CNTN3: variants seen among roughly 807,000 people sequenced by gnomAD.
CNTN3 encodes the protein contactin-3.
CNTN3 carries 60 observed loss-of-function variants against 119.1 expected under a neutral mutation model. The ratio of observed to expected loss-of-function variants is 0.50; its 90% CI spans 0.41 to 0.62. The LOEUF is 0.62. Ranked by LOEUF, CNTN3 falls within the 20% of genes least tolerant of loss-of-function variation. The pLI is 0.00. For missense variants in CNTN3, 1,101 were observed against 1,242.4 expected, an observed-to-expected ratio of 0.89 and a Z score of 1.71; for synonymous variants, 450 against 438.7, an observed-to-expected ratio of 1.03 and a Z score of -0.32.
At chr3:74,605,150 G>A (rs1704970163) in intron 1 of CNTN3, among the ~76,000 whole-genome samples, 1 of 152,078 alleles carries the variant, frequency 6.6e-6, no homozygotes, top group Admixed American at 6.6e-5. Context: ...GAGGAGGGAG[G>A]TTTAGGGAGA....
chr3:74,563,155 G>A (rs187571287), intron 1 of CNTN3, among the ~76,000 whole-genome samples: 37 of 152,116 alleles, frequency 2.4e-4, no homozygotes, highest in African/African-American at 7.5e-4. Flanking sequence ...TATACATTCC[G>A]CCACTCAACC....
chr3:74,384,271 C>T (rs537013696), intron 5 of CNTN3, among the ~76,000 whole-genome samples: 2 of 152,356 alleles, frequency 1.3e-5, no homozygotes, highest in South Asian at 2.1e-4. Context: ...GGGCAACCAC[C>T]TGCTCCCTCT....
intron 13 of CNTN3, among the ~76,000 whole-genome samples, chr3:74,311,046 G>A (rs1282886284): frequency 6.6e-6 from 1 of 152,302 alleles, no homozygotes; most frequent in Admixed American, 6.5e-5. Flanking sequence ...TGAGCTGACT[G>A]TGCCAAGAAT....
intron 5 of CNTN3, among the ~76,000 whole-genome samples, chr3:74,389,208 A>G (rs1309966061): frequency 1.3e-5 from 2 of 152,254 alleles, no homozygotes; most frequent in Admixed American, 6.5e-5. Context: ...AGACAATTAA[A>G]TCAAATCACC....
At chr3:74,366,319 A>G (rs1168686699) in intron 8 of CNTN3, among the ~76,000 whole-genome samples, 1 of 152,150 alleles carries the variant, frequency 6.6e-6, no homozygotes, top group African/African-American at 2.4e-5. Context: ...AAAAGAAGTA[A>G]CTGATGCAAC....
At chr3:74,303,562 G>A (rs573951752) in intron 13 of CNTN3, among the ~76,000 whole-genome samples, 80 of 152,008 alleles carry the variant, frequency 5.3e-4, no homozygotes, top group East Asian at 1.9e-3. Context: ...GTGTGGTGGC[G>A]TGCCCCTGTA....
intron 1 of CNTN3, among the ~76,000 whole-genome samples, chr3:74,590,696 T>A (rs1704686962): frequency 6.6e-6 from 1 of 152,048 alleles, no homozygotes; most frequent in Non-Finnish European, 1.5e-5. Context: ...CTACTCATTG[T>A]TTTCTGAGCT....
intron 1 of CNTN3, among the ~76,000 whole-genome samples, chr3:74,536,091 C>T (rs1010134651): frequency 4.6e-5 from 7 of 152,084 alleles, no homozygotes; most frequent in Non-Finnish European, 8.8e-5. Flanking sequence ...ATCTCTTTCA[C>T]TTTTCAGAAA....
At chr3:74,410,611 C>G (rs766121159) in intron 5 of CNTN3, among the ~76,000 whole-genome samples, 1 of 152,114 alleles carries the variant, frequency 6.6e-6, no homozygotes, top group Non-Finnish European at 1.5e-5. Flanking sequence ...TTTCATGTCT[C>G]AAGTGGAAAC....
At chr3:74,537,264 A>G (rs1038282084) in intron 1 of CNTN3, among the ~76,000 whole-genome samples, 4 of 152,116 alleles carry the variant, frequency 2.6e-5, no homozygotes, top group Admixed American at 6.5e-5. Flanking sequence ...CCCAGGCCAT[A>G]GCAGACACTC....
At chr3:74,451,431 T>C (rs1190887581) in intron 4 of CNTN3, among the ~76,000 whole-genome samples, 2 of 152,070 alleles carry the variant, frequency 1.3e-5, no homozygotes, top group Non-Finnish European at 2.9e-5. Flanking sequence ...GTCAGATGAG[T>C]AGGTTGTGAA....
intron 2 of CNTN3, among the ~76,000 whole-genome samples, chr3:74,511,642 T>C (rs927596127): frequency 2.0e-5 from 3 of 152,044 alleles, no homozygotes; most frequent in Non-Finnish European, 2.9e-5. Context: ...ACACTTCAGC[T>C]TGGGTGATGA....
intron 1 of CNTN3, among the ~76,000 whole-genome samples, chr3:74,593,984 C>A (rs1704746603): frequency 6.6e-6 from 1 of 151,782 alleles, no homozygotes; most frequent in Admixed American, 6.6e-5. Flanking sequence ...TGAATGGAGG[C>A]CACAGAGGGG....
At position 74,397,092 on chromosome 3, in the gene CNTN3, C is replaced by A. The variant is rs143830565; in HGVS notation, c.455-25693G>T. On this transcript the variant is annotated intron_variant, in intron 5 of 22. Transcript: ENST00000263665. Reference sequence around the variant, plus strand: ...AAGAGGCTGACTCTCTTGTTAGGAACTAATGTAGCTGATGACTTTAAGTTG... The same window carrying A: ...AAGAGGCTGACTCTCTTGTTAGGAAATAATGTAGCTGATGACTTTAAGTTG... Among the ~76,000 whole-genome samples the A allele has an allele frequency of 2.0e-4, 30 of 152,296 alleles. No homozygotes were observed. In the East Asian group the frequency reaches 5.6e-3, roughly 28 times the overall value.
chr3:74,442,176 CAGAGAG>C (rs66734419), intron 4 of CNTN3, among the ~76,000 whole-genome samples: 14,227 of 135,048 alleles, frequency 0.11, 1,054 homozygotes, highest in East Asian at 0.44. Context: ...CACACACACA[CAGAGAG>C]AGAGAGATTA....
chr3:74,359,389 G>A lies in CNTN3; in HGVS notation c.1364+2501C>T, dbSNP rs547680041. Among the ~76,000 whole-genome samples, 3 of 152,216 alleles carry A rather than the reference G, an allele frequency of 2.0e-5. No homozygotes were observed. The South Asian group carries it at 6.2e-4, about 32-fold the overall frequency. ...GAAGGATATATTATCTCTATATTAT[G>A]GAAGAGGAAACGGAGGTTCAGAGGT... is the stretch of plus-strand genomic sequence containing the variant. On this transcript the variant is annotated intron_variant, in intron 11 of 22. Transcript: ENST00000263665.
At chr3:74,305,236 G>A (rs1009463958) in intron 13 of CNTN3, among the ~76,000 whole-genome samples, 2 of 152,068 alleles carry the variant, frequency 1.3e-5, no homozygotes, top group East Asian at 1.9e-4. Context: ...TGTAGACGAC[G>A]GCAAAATGAA....
At chr3:74,606,124 G>C (rs962198729) in intron 1 of CNTN3, among the ~76,000 whole-genome samples, 2 of 151,932 alleles carry the variant, frequency 1.3e-5, no homozygotes, top group African/African-American at 4.8e-5. Context: ...CAATACAGAA[G>C]AGTCTATTCA....
intron 13 of CNTN3, among the ~76,000 whole-genome samples, chr3:74,332,178 A>T: frequency 6.6e-6 from 1 of 152,244 alleles, no homozygotes; most frequent in East Asian, 1.9e-4. Flanking sequence ...CACTGGGGAA[A>T]AAGGCAAGCA....
Sources: gnomAD v4.1 joint callset for allele counts (sites outside exome capture counted in the v4.1 genomes callset) on GRCh38, gnomAD v4.1.1 for gene constraint, MANE v1.5 for transcripts, NCBI Gene and HGNC (gene_info 2026-07-23, HGNC 2026-07-21) for gene names.